The following CNMD variants were observed in gnomAD, a reference collection of about 807,000 sequenced individuals.
The protein encoded by CNMD is chondromodulin.
A neutral mutation model predicts 37.5 loss-of-function variants in CNMD; 30 were observed. That is an observed-to-expected ratio of 0.80 (90% CI 0.60 to 1.09). The LOEUF is 1.09. Ranked by LOEUF, CNMD falls within the 50% of genes least tolerant of loss-of-function variation. CNMD has a pLI of 0.00. For synonymous variants in CNMD, 167 were observed against 148.2 expected, an observed-to-expected ratio of 1.13 and a Z score of -0.92; for missense variants, 398 against 423.9, an observed-to-expected ratio of 0.94 and a Z score of 0.54.
chr13:52,712,059 CA>C (rs1964297792), intron 5 of CNMD, among the ~76,000 whole-genome samples: 1 of 152,116 alleles, frequency 6.6e-6, no homozygotes, highest in Non-Finnish European at 1.5e-5. Flanking sequence ...TTTGGGAGGC[CA>C]GTGTGGTGAC....
At chr13:52,708,336 C>G (rs61959653) in intron 6 of CNMD, among the ~76,000 whole-genome samples, 200 bp downstream of exon 6, 1 of 151,986 alleles carries the variant, frequency 6.6e-6, no homozygotes. Context: ...CGTGTGCCAC[C>G]ATGCCTGGCT....
chr13:52,723,987 T>A lies in CNMD; in HGVS notation c.468+10A>T. Reference sequence around the variant, plus strand: ...AGCAGTCTCACTGTCTCAGGCATGTTGGTACCCACCAGTTTGGAGGAGATG... The same window carrying A: ...AGCAGTCTCACTGTCTCAGGCATGTAGGTACCCACCAGTTTGGAGGAGATG... On this transcript the variant is annotated intron_variant, in intron 4 of 6. Coordinates refer to ENST00000377962, the MANE Select transcript of CNMD (RefSeq NM_007015.3). 1 of 1,562,050 alleles carries A rather than the reference T, an allele frequency of 6.4e-7. No individual in the cohort carries two copies. The highest frequency in any genetic ancestry group is 8.8e-7 in the Non-Finnish European group (1 of 1,132,582).
intron 3 of CNMD, among the ~76,000 whole-genome samples, chr13:52,730,859 G>A (rs946992110): frequency 2.6e-5 from 4 of 152,010 alleles, no homozygotes; most frequent in Admixed American, 6.6e-5. Flanking sequence ...ATCCTCCGTC[G>A]GGGGTTGTTT....
rs1964804981 is a variant in CNMD at position 52,738,134 on chromosome 13, A to G, written c.213+897T>C. Among the ~76,000 whole-genome samples, 6 of 152,240 alleles carry G rather than the reference A, an allele frequency of 3.9e-5. No individual in the cohort carries two copies. In the South Asian group the frequency reaches 1.0e-3, roughly 26 times the overall value. On this transcript the variant is annotated intron_variant, in intron 2 of 6. Transcript: ENST00000377962. ...CAGCAATCACCAATCCTCTGAGGAT[A>G]GTGATTATGAAAGAGCCCTTTGTGT...
At chr13:52,721,585 C>T (rs569052763) in intron 4 of CNMD, among the ~76,000 whole-genome samples, 7 of 152,326 alleles carry the variant, frequency 4.6e-5, no homozygotes, top group African/African-American at 1.7e-4. Flanking sequence ...TGAGTCTATG[C>T]CCCACCCTGC....
intron 5 of CNMD, among the ~76,000 whole-genome samples, chr13:52,708,968 T>TC (rs377009357): frequency 2.6e-5 from 4 of 152,116 alleles, no homozygotes; most frequent in South Asian, 2.1e-4. Flanking sequence ...CAAGACCACC[T>TC]CCCCCCTTTC....
At chr13:52,706,287 G>T (rs1043616028) in intron 6 of CNMD, among the ~76,000 whole-genome samples, 2 of 152,138 alleles carry the variant, frequency 1.3e-5, no homozygotes, top group African/African-American at 4.8e-5. Flanking sequence ...TCCTTGAAAG[G>T]CAATTTGGTA....
chr13:52,729,933 C>T (rs1041249633), intron 3 of CNMD, among the ~76,000 whole-genome samples: 2 of 151,512 alleles, frequency 1.3e-5, no homozygotes, highest in Non-Finnish European at 2.9e-5. Flanking sequence ...CACCCATTAA[C>T]TCGTCATTTA....
At chr13:52,718,814 T>A (rs1964433167) in intron 4 of CNMD, among the ~76,000 whole-genome samples, 1 of 152,142 alleles carries the variant, frequency 6.6e-6, no homozygotes, top group Non-Finnish European at 1.5e-5. Flanking sequence ...TGATTTGGAG[T>A]GGAGAGTTCT....
chr13:52,730,251 T>C (rs1242204972), intron 3 of CNMD, among the ~76,000 whole-genome samples: 2 of 152,058 alleles, frequency 1.3e-5, no homozygotes, highest in African/African-American at 2.4e-5. Context: ...GTTCCAAGTC[T>C]TTGCTATCGT....
At chr13:52,732,604 T>C (rs938203210) in intron 3 of CNMD, among the ~76,000 whole-genome samples, 7 of 152,182 alleles carry the variant, frequency 4.6e-5, no homozygotes, top group African/African-American at 9.6e-5. Context: ...AAATAGGAAA[T>C]TGGAATTGAG....
At chr13:52,724,429 A>AAG (rs1475424079) in intron 3 of CNMD, among the ~76,000 whole-genome samples, 1 of 149,240 alleles carries the variant, frequency 6.7e-6, no homozygotes, top group Non-Finnish European at 1.5e-5. Context: ...AAAAAAAAAA[A>AAG]AAAAAAAAAA....
At chr13:52,717,347 C>T (rs1314371154) in intron 4 of CNMD, among the ~76,000 whole-genome samples, 3 of 152,160 alleles carry the variant, frequency 2.0e-5, no homozygotes, top group Non-Finnish European at 2.9e-5. Flanking sequence ...CTTCTCTTGC[C>T]TGATTGCCCT....
intron 4 of CNMD, among the ~76,000 whole-genome samples, chr13:52,718,426 T>G (rs1230813265): frequency 6.6e-6 from 1 of 152,224 alleles, no homozygotes; most frequent in Non-Finnish European, 1.5e-5. Context: ...GTTTTAATTG[T>G]GATGTTAGGG....
intron 5 of CNMD, among the ~76,000 whole-genome samples, chr13:52,709,917 G>A (rs762863367): frequency 2.0e-5 from 3 of 152,184 alleles, no homozygotes; most frequent in Non-Finnish European, 4.4e-5. Flanking sequence ...AGGCTGCAGT[G>A]AGCCGAGATT....
chr13:52,724,240 T>C (rs1257776268), intron 3 of CNMD, 130 bp from the exon 4 acceptor site: 2 of 682,110 alleles, frequency 2.9e-6, no homozygotes, highest in African/African-American at 3.6e-5. Flanking sequence ...GGAACTGCCC[T>C]CATGGAACTT....
chr13:52,729,097 C>A (rs1964622185), intron 3 of CNMD, among the ~76,000 whole-genome samples: 2 of 152,138 alleles, frequency 1.3e-5, no homozygotes, highest in Admixed American at 6.5e-5. Context: ...TGTAATCTTA[C>A]CTTGGCTGCA....
rs1185436284 is a variant in CNMD, at chr13:52,739,756, G to C, written c.-55C>G. 1 of 1,478,396 alleles carries C rather than the reference G, an allele frequency of 6.8e-7. No individual in the cohort carries two copies. Among genetic ancestry groups the C allele is most frequent in the Non-Finnish European group, 9.4e-7 (1 of 1,058,630 alleles). The allele number at this position is 1,478,396 out of a possible 1,614,324, so 91.6% of individuals were successfully genotyped here. On this transcript the variant is annotated 5_prime_UTR_variant, in exon 1 of 7. Coordinates refer to ENST00000377962, the MANE Select transcript of CNMD (RefSeq NM_007015.3). This position sits in a 1 kb window ranked among gnomAD's most constrained non-coding sequence, Gnocchi z 5.4. ...AGACTCCCTGGGCACCCTGGGATCTGTCCCGCTGCCCCGACGTGCAGGGCA... is the reference window on the plus strand; with the variant it reads ...AGACTCCCTGGGCACCCTGGGATCTCTCCCGCTGCCCCGACGTGCAGGGCA...
chr13:52,712,603 A>G (rs1964307036), intron 5 of CNMD, 113 bp downstream of exon 5: 2 of 591,938 alleles, frequency 3.4e-6, no homozygotes, highest in East Asian at 3.0e-5. Flanking sequence ...TGCGACATGC[A>G]TCCTGATTTA....
Sources: allele counts gnomAD v4.1 joint callset (sites outside exome capture counted in the v4.1 genomes callset), GRCh38; gene constraint gnomAD v4.1.1; non-coding constraint Gnocchi (gnomAD v3.1); transcripts MANE v1.5; gene names NCBI Gene and HGNC (gene_info 2026-07-23, HGNC 2026-07-21).